The following UTRN variants were observed in gnomAD, a reference collection of about 807,000 sequenced individuals.
UTRN encodes dystrophin-related protein 1.
In UTRN, 283 loss-of-function variants were observed where a neutral mutation model predicts 463.9. The ratio of observed to expected loss-of-function variants is 0.61; its 90% confidence interval spans 0.55 to 0.67. The LOEUF (loss-of-function observed/expected upper bound fraction) is 0.67, where lower values mean the gene tolerates loss of function less well. Among genes scored for constraint, UTRN ranks in the 30% least tolerant of loss-of-function variants. The probability of loss-of-function intolerance (pLI) is 0.00; values close to 1 mark genes in which losing one functional copy is unlikely to be tolerated. For synonymous variants in UTRN, 1,442 were observed against 1,431.5 expected (o/e 1.01, Z -0.17); for missense variants, 3,922 against 4,084.3 (o/e 0.96, Z 1.08).
At chr6:144,582,007 G>A (rs148786288) in intron 51 of UTRN, among the ~76,000 whole-genome samples, 2 of 152,286 alleles carry the variant, frequency 1.3e-5, no homozygotes, top group African/African-American at 4.8e-5. Context: ...GGGAGGCAGT[G>A]TAGATTCTCA....
intron 51 of UTRN, among the ~76,000 whole-genome samples, chr6:144,627,114 T>C (rs891648788): frequency 1.7e-5 from 2 of 115,250 alleles, no homozygotes; most frequent in African/African-American, 6.9e-5. Flanking sequence ...GATGGGGGGT[T>C]AGGGGGCTGG....
At chr6:144,403,630 T>C (rs1412813390) in intron 3 of UTRN, among the ~76,000 whole-genome samples, 1 of 152,220 alleles carries the variant, frequency 6.6e-6, no homozygotes, top group Admixed American at 6.5e-5. Context: ...ATAATATTTA[T>C]CTGCCTTGTG....
In UTRN at chr6:144,437,575, T is replaced by C. The variant is rs1313377538; in HGVS notation, c.1070T>C (p.Met357Thr). 1.2e-6 allele frequency: 2 copies of C among 1,606,888 alleles called. No individual in the cohort carries two copies. The highest frequency in any genetic ancestry group is 1.7e-6 in the Non-Finnish European group (2 of 1,177,774). Residue 357 changes from methionine to threonine, a missense_variant, in exon 11 of 75, where the codon ATG becomes ACG. Met to Thr is a moderately conservative substitution (Grantham distance 81, BLOSUM62 -1). This residue lies in a region of UTRN where 2,349 missense variants were observed against 2,303.8 expected (regional missense o/e 1.02). Transcript: ENST00000367545. The part of the protein sequence containing the change: ...DQFATHEAFM[M>T]ELTAHQSSVG... Reference sequence around the variant, plus strand: ...AATGTCCCTTTCTAGGCTTTTATGATGGAACTGACTGCACACCAGAGCAGT... The same window carrying C: ...AATGTCCCTTTCTAGGCTTTTATGACGGAACTGACTGCACACCAGAGCAGT...
intron 54 of UTRN, among the ~76,000 whole-genome samples, chr6:144,744,455 A>G (rs1162989295): frequency 1.4e-5 from 2 of 147,942 alleles, no homozygotes; most frequent in Non-Finnish European, 3.0e-5. Flanking sequence ...TATAATATAT[A>G]CATAATTTTA....
chr6:144,640,197 C>G (rs549275519), intron 51 of UTRN, among the ~76,000 whole-genome samples: 2 of 152,230 alleles, frequency 1.3e-5, no homozygotes, highest in African/African-American at 2.4e-5. Context: ...ACATCTCCCC[C>G]CTCCACCTTA....
intron 51 of UTRN, among the ~76,000 whole-genome samples, chr6:144,600,158 A>G (rs1804093075): frequency 6.6e-6 from 1 of 152,168 alleles, no homozygotes; most frequent in African/African-American, 2.4e-5. Flanking sequence ...GGGCCTCCCT[A>G]TTCCCTGAGA....
In UTRN at chr6:144,286,297, A is replaced by C. The variant is rs1167182897; in HGVS notation, c.-93+476A>C. 6.6e-6 allele frequency among the ~76,000 whole-genome samples: 1 copy of C among 152,086 alleles called. No homozygotes were observed. The highest frequency in any genetic ancestry group is 6.6e-5 in the Admixed American group (1 of 15,264). On this transcript the variant is annotated intron_variant, in intron 1 of 74. Transcript: ENST00000367545. The surrounding 1 kb of genome is among the most constrained non-coding windows in gnomAD (Gnocchi z 4.4). ...GGAAGGCGGGGCTCCGGCGGTGTCC[A>C]CAGGAGAGGGTGGGCAGAGGGTGGC... is the stretch of plus-strand genomic sequence containing the variant.
intron 65 of UTRN, 87 bp downstream of exon 65, chr6:144,803,234 C>A: frequency 2.4e-6 from 2 of 836,260 alleles, no homozygotes; most frequent in Non-Finnish European, 3.2e-6. Flanking sequence ...TAGACTTAAT[C>A]TTTTTTGAAA....
chr6:144,311,064 T>C (rs753709463), intron 2 of UTRN, among the ~76,000 whole-genome samples: 7 of 152,252 alleles, frequency 4.6e-5, no homozygotes, highest in African/African-American at 9.6e-5. Flanking sequence ...ACATTTTTAG[T>C]TGGCATGAAA....
At chr6:144,766,848 T>C (rs752228796) in intron 58 of UTRN, among the ~76,000 whole-genome samples, 4 of 151,994 alleles carry the variant, frequency 2.6e-5, no homozygotes, top group Non-Finnish European at 4.4e-5. Flanking sequence ...CTACAAAGGA[T>C]AGTCTTCTTG....
intron 2 of UTRN, among the ~76,000 whole-genome samples, chr6:144,393,996 G>A (rs1388205814): frequency 6.6e-6 from 1 of 152,152 alleles, no homozygotes; most frequent in African/African-American, 2.4e-5. Flanking sequence ...TTTAATGTAT[G>A]TGGATTGCTG....
intron 59 of UTRN, among the ~76,000 whole-genome samples, chr6:144,772,401 C>T (rs552270061): frequency 6.6e-6 from 1 of 152,034 alleles, no homozygotes; most frequent in Non-Finnish European, 1.5e-5. Context: ...AGAATCATGT[C>T]ATTGACATTT....
At chr6:144,336,942 CA>C (rs1554219112) in intron 2 of UTRN, among the ~76,000 whole-genome samples, 1 of 152,108 alleles carries the variant, frequency 6.6e-6, no homozygotes, top group Non-Finnish European at 1.5e-5. Context: ...GTGGCCCTGG[CA>C]GATTGGACCC....
Position 144,458,859 on chromosome 6 carries a change from A to G in UTRN, c.2374A>G (p.Arg792Gly), listed in dbSNP as rs541449516. 1.5e-4 allele frequency: 245 copies of G among 1,613,722 alleles called. No homozygotes were observed. The highest frequency in any genetic ancestry group is 2.0e-4 in the Non-Finnish European group (236 of 1,179,900). Residue 792 changes from arginine (R) to glycine (G), a missense_variant, in exon 20 of 75, where the codon AGA becomes GGA. This residue lies in a region of UTRN where 2,349 missense variants were observed against 2,303.8 expected (regional missense o/e 1.02). Transcript: ENST00000367545. ...ATCTCAACATTTGGAAGATCTAGAA[A>G]GAAAGATTCAGCTACAGGAAGATAT... ...NVSQHLEDLERKIQLQEDINA... is the reference protein window; with the variant it reads ...NVSQHLEDLEGKIQLQEDINA...
chr6:144,398,570 GA>G, intron 2 of UTRN: 2 of 235,266 alleles, frequency 8.5e-6, no homozygotes, highest in Non-Finnish European at 1.7e-5. Flanking sequence ...AGGTTATTAT[GA>G]AGAAGCACCC....
rs1013919937 is a variant in UTRN at position 144,852,127 on chromosome 6, G to A, written c.*1130G>A. 4 of 152,098 alleles carry A rather than the reference G, an allele frequency of 2.6e-5. No homozygotes were observed. The highest frequency in any genetic ancestry group is 9.7e-5 in the African/African-American group (4 of 41,426). 9.4% of individuals were successfully genotyped at this position (152,098 alleles called of 1,614,324 possible). On this transcript the variant is annotated 3_prime_UTR_variant, in exon 75 of 75. Transcript: ENST00000367545. ...GTGCACGGCTTATTTTACCTTTCGG[G>A]TGAAAGATCAGATGTTTTTATACCC...
chr6:144,589,956 A>G (rs957046759), intron 51 of UTRN, among the ~76,000 whole-genome samples: 2 of 151,502 alleles, frequency 1.3e-5, no homozygotes, highest in African/African-American at 2.4e-5. Context: ...GGCTCAAGCT[A>G]TCCTCCCGCC....
chr6:144,551,560 A>G (rs1798922079), intron 48 of UTRN, among the ~76,000 whole-genome samples: 1 of 152,258 alleles, frequency 6.6e-6, no homozygotes, highest in South Asian at 2.1e-4. Context: ...TACTTTAGTT[A>G]TAAATGAGAG....
intron 51 of UTRN, among the ~76,000 whole-genome samples, chr6:144,639,064 G>A (rs1777500704): frequency 6.6e-6 from 1 of 151,666 alleles, no homozygotes; most frequent in African/African-American, 2.4e-5. Context: ...ATGAGACTTT[G>A]TTTCTAAAAA....
Sources: allele counts gnomAD v4.1 joint callset (sites outside exome capture counted in the v4.1 genomes callset), GRCh38; gene constraint gnomAD v4.1.1; regional missense constraint gnomAD v4.1.1; non-coding constraint Gnocchi (gnomAD v3.1); transcripts MANE v1.5; gene names NCBI Gene and HGNC (gene_info 2026-07-23, HGNC 2026-07-21).